Variants in LRCH1 observed in about 807,000 individuals in gnomAD.
The protein encoded by LRCH1 is leucine rich repeats and calponin homology domain containing 1.
LRCH1 carries 23 observed loss-of-function variants against 94.9 expected under a neutral mutation model. The ratio of observed to expected loss-of-function variants is 0.24; its 90% CI spans 0.17 to 0.34. LRCH1 has a LOEUF of 0.34. Among genes scored for constraint, LRCH1 ranks in the 10% least tolerant of loss-of-function variants. The pLI, the probability that LRCH1 is intolerant of heterozygous loss-of-function variation, is 1.00. For missense variants in LRCH1, 790 were observed against 945.9 expected (o/e 0.84, Z 2.16); for synonymous variants, 364 against 354.9 (o/e 1.03, Z -0.29).
At chr13:46,700,419 G>A (rs7988152) in intron 10 of LRCH1, among the ~76,000 whole-genome samples, 1,569 of 152,260 alleles carry the variant, frequency 0.01, 13 homozygotes, top group African/African-American at 0.036. Flanking sequence ...CACTGGATAT[G>A]CTGCTGAGAG....
chr13:46,580,949 A>T (rs1202169200), intron 1 of LRCH1, among the ~76,000 whole-genome samples: 1 of 152,200 alleles, frequency 6.6e-6, no homozygotes, highest in African/African-American at 2.4e-5. Flanking sequence ...TCATTAAAAT[A>T]CTAGTAGTGG....
At chr13:46,719,976 C>T (rs1010958214) in intron 16 of LRCH1, among the ~76,000 whole-genome samples, 7 of 151,982 alleles carry the variant, frequency 4.6e-5, no homozygotes, top group Admixed American at 1.3e-4. Context: ...CCAGCCTGGG[C>T]GACAGACTGA....
At chr13:46,628,135 A>T (rs1487306536) in intron 1 of LRCH1, among the ~76,000 whole-genome samples, 1 of 152,204 alleles carries the variant, frequency 6.6e-6, no homozygotes, top group African/African-American at 2.4e-5. Flanking sequence ...ATAAAACAGG[A>T]GCACAGTTCA....
intron 13 of LRCH1, among the ~76,000 whole-genome samples, 184 bp from the exon 14 acceptor site, chr13:46,711,607 G>A (rs1872064834): frequency 6.6e-6 from 1 of 152,178 alleles, no homozygotes; most frequent in African/African-American, 2.4e-5. Flanking sequence ...GAATACAGCT[G>A]CATGTTTTCA....
At chr13:46,626,468 A>G (rs2050951202) in intron 1 of LRCH1, among the ~76,000 whole-genome samples, 1 of 152,180 alleles carries the variant, frequency 6.6e-6, no homozygotes, top group African/African-American at 2.4e-5. Context: ...CCCCACCCTT[A>G]AGAAGGTACT....
intron 11 of LRCH1, among the ~76,000 whole-genome samples, chr13:46,702,941 G>A (rs541440606): frequency 6.6e-6 from 1 of 152,316 alleles, no homozygotes; most frequent in Admixed American, 6.5e-5. Flanking sequence ...GGCTTTGGAT[G>A]TTGTTAAGGA....
At chr13:46,707,609 A>G (rs1871832892) in intron 13 of LRCH1, among the ~76,000 whole-genome samples, 1 of 152,224 alleles carries the variant, frequency 6.6e-6, no homozygotes, top group Non-Finnish European at 1.5e-5. Flanking sequence ...TCAGGAGCAC[A>G]AGAAAGACAC....
chr13:46,638,089 A>G (rs999468633), intron 1 of LRCH1, among the ~76,000 whole-genome samples: 51 of 152,262 alleles, frequency 3.3e-4, no homozygotes, highest in African/African-American at 1.2e-3. Flanking sequence ...AGAAGGATGT[A>G]TAGATGAAAT....
intron 9 of LRCH1, among the ~76,000 whole-genome samples, chr13:46,695,591 G>A (rs1240161805): frequency 2.0e-5 from 3 of 152,206 alleles, no homozygotes; most frequent in Non-Finnish European, 4.4e-5. Flanking sequence ...AGATACTGAA[G>A]GTTCTACTTC....
intron 1 of LRCH1, among the ~76,000 whole-genome samples, chr13:46,629,088 C>T (rs913084059): frequency 6.6e-6 from 1 of 152,172 alleles, no homozygotes; most frequent in Admixed American, 6.5e-5. Context: ...GGGCCTTTCC[C>T]AAGAACTTTA....
chr13:46,620,851 A>G (rs1471212536), intron 1 of LRCH1, among the ~76,000 whole-genome samples: 1 of 152,198 alleles, frequency 6.6e-6, no homozygotes, highest in Non-Finnish European at 1.5e-5. Flanking sequence ...ACTCCTTTAT[A>G]TCACATGCTG....
chr13:46,692,489 A>T lies in LRCH1; in HGVS notation c.1015-47A>T, dbSNP rs149176017. 3.0e-4 allele frequency: 389 copies of T among 1,309,438 alleles called. No homozygotes were observed. The African/African-American group carries it at 5.1e-3, about 17-fold the overall frequency. The allele number at this position is 1,309,438 out of a possible 1,614,324, so 81.1% of individuals were successfully genotyped here. A position where few individuals can be genotyped will look rare whatever the true frequency, so the allele number is the denominator to read the frequency against. ...ATTACATAGCATTCTCCTTATCTAC[A>T]TTGATAACACTTCTCTTGAGTTAAA... On this transcript the variant is annotated intron_variant, in intron 7 of 19. Transcript: ENST00000389797.
chr13:46,595,821 A>C (rs2050555000), intron 1 of LRCH1, among the ~76,000 whole-genome samples: 1 of 151,866 alleles, frequency 6.6e-6, no homozygotes, highest in Non-Finnish European at 1.5e-5. Context: ...GGCAACTGCC[A>C]CAGAGTGAAA....
intron 1 of LRCH1, among the ~76,000 whole-genome samples, chr13:46,599,961 G>A (rs541548824): frequency 2.6e-5 from 4 of 152,274 alleles, no homozygotes; most frequent in East Asian, 1.9e-4. Flanking sequence ...GGCCATGTGC[G>A]GTGGCTCACG....
chr13:46,716,087 G>A (rs1872307066), intron 16 of LRCH1, among the ~76,000 whole-genome samples: 1 of 152,014 alleles, frequency 6.6e-6, no homozygotes, highest in South Asian at 2.1e-4. Flanking sequence ...AATGTACCAT[G>A]GCTGATCCTA....
chr13:46,630,369 T>C (rs1255489345), intron 1 of LRCH1, among the ~76,000 whole-genome samples: 1 of 152,214 alleles, frequency 6.6e-6, no homozygotes, highest in Non-Finnish European at 1.5e-5. Flanking sequence ...GTTATCACTA[T>C]TTATTATTAC....
At chr13:46,688,016 T>C (rs1286530625) in intron 6 of LRCH1, 37 bp downstream of exon 6, 1 of 1,586,260 alleles carries the variant, frequency 6.3e-7, no homozygotes, top group Non-Finnish European at 8.6e-7. Context: ...CAGTTTAAAA[T>C]TTGCCTAGGC....
At chr13:46,664,294 A>C (rs1268472157) in intron 2 of LRCH1, among the ~76,000 whole-genome samples, 1 of 152,260 alleles carries the variant, frequency 6.6e-6, no homozygotes, top group Non-Finnish European at 1.5e-5. Context: ...AATGGACCAC[A>C]TATGTGACAG....
chr13:46,731,499 A>G (rs1034481594), intron 18 of LRCH1, among the ~76,000 whole-genome samples: 38 of 152,186 alleles, frequency 2.5e-4, no homozygotes, highest in African/African-American at 8.7e-4. Flanking sequence ...CCAAAGTGCT[A>G]GGATTACAGG....
Sources: allele counts gnomAD v4.1 joint callset (sites outside exome capture counted in the v4.1 genomes callset), GRCh38; gene constraint gnomAD v4.1.1; transcripts MANE v1.5; gene names NCBI Gene and HGNC (gene_info 2026-07-23, HGNC 2026-07-21).